LINGO2: variants seen among roughly 807,000 people sequenced by gnomAD.
The protein encoded by LINGO2 is leucine-rich repeat and immunoglobulin-like domain-containing nogo receptor-interacting protein 2.
A neutral mutation model predicts 30.6 loss-of-function variants in LINGO2; 14 were observed. That is an observed-to-expected ratio of 0.46 (90% CI 0.30 to 0.72). The LOEUF is 0.72. Ranked by LOEUF, LINGO2 falls within the 30% of genes least tolerant of loss-of-function variation. The probability of loss-of-function intolerance (pLI) is 0.07; values close to 1 mark genes in which losing one functional copy is unlikely to be tolerated. For missense variants in LINGO2, 729 were observed against 751.7 expected, an observed-to-expected ratio of 0.97 and a Z score of 0.35; for synonymous variants, 317 against 288.5, an observed-to-expected ratio of 1.10 and a Z score of -1.00.
intron 3 of LINGO2, among the ~76,000 whole-genome samples, chr9:28,344,022 T>C (rs1472593447): frequency 6.6e-6 from 1 of 152,144 alleles, no homozygotes; most frequent in Non-Finnish European, 1.5e-5. Flanking sequence ...CAGCCAGTAA[T>C]GTCTCTCTGT....
chr9:29,176,782 T>C, the LINGO2 span, among the ~76,000 whole-genome samples: 1 of 152,220 alleles, frequency 6.6e-6, no homozygotes, highest in Non-Finnish European at 1.5e-5. Context: ...GAAATTTCTA[T>C]AAGCTTCAAT....
intron 1 of LINGO2, among the ~76,000 whole-genome samples, chr9:28,662,686 G>A (rs1456991582): frequency 2.6e-5 from 4 of 152,132 alleles, no homozygotes; most frequent in South Asian, 2.1e-4. Flanking sequence ...GACAATGACA[G>A]TATTCATTTT....
chr9:28,087,143 C>T (rs1825938851), intron 4 of LINGO2, among the ~76,000 whole-genome samples: 1 of 152,002 alleles, frequency 6.6e-6, no homozygotes, highest in South Asian at 2.1e-4. Context: ...GAGGCCATCC[C>T]AGACCAGTTA....
At chr9:29,065,928 G>A in the LINGO2 span, among the ~76,000 whole-genome samples, 2 of 151,778 alleles carry the variant, frequency 1.3e-5, no homozygotes, top group Non-Finnish European at 1.5e-5. Context: ...TTTTTGTGGT[G>A]GTAGTTATTT....
the LINGO2 span, among the ~76,000 whole-genome samples, chr9:28,809,438 G>A: frequency 6.6e-6 from 1 of 152,084 alleles, no homozygotes; most frequent in Admixed American, 6.6e-5. Flanking sequence ...AGCACTGCCT[G>A]GGTGATCTTT....
intron 4 of LINGO2, among the ~76,000 whole-genome samples, chr9:28,252,987 T>C (rs1348069736): frequency 1.3e-5 from 2 of 152,050 alleles, no homozygotes; most frequent in Admixed American, 1.3e-4. Flanking sequence ...ATAATAAAGG[T>C]TTTGTAAGCT....
chr9:28,653,982 T>C (rs552981055), intron 1 of LINGO2, among the ~76,000 whole-genome samples: 7 of 152,296 alleles, frequency 4.6e-5, no homozygotes, highest in African/African-American at 1.7e-4. Flanking sequence ...TTGCTAAGTA[T>C]ATTTTTTACG....
At chr9:28,101,730 TA>T (rs1366677307) in intron 4 of LINGO2, among the ~76,000 whole-genome samples, 2 of 152,176 alleles carry the variant, frequency 1.3e-5, no homozygotes, top group Non-Finnish European at 2.9e-5. Context: ...CTGTATGGGC[TA>T]AATCTCTCAG....
chr9:28,440,592 T>A (rs1824152404), intron 2 of LINGO2, among the ~76,000 whole-genome samples: 1 of 152,086 alleles, frequency 6.6e-6, no homozygotes, highest in African/African-American at 2.4e-5. Flanking sequence ...TACCATAGGA[T>A]AAAAAAATTA....
intron 1 of LINGO2, among the ~76,000 whole-genome samples, chr9:28,525,925 G>A (rs769049194): frequency 1.3e-5 from 2 of 151,598 alleles, no homozygotes; most frequent in Non-Finnish European, 2.9e-5. Flanking sequence ...GCGTGGTGGC[G>A]GGCGCTTGCA....
At chr9:28,215,720 A>G (rs1820743748) in intron 4 of LINGO2, among the ~76,000 whole-genome samples, 1 of 151,780 alleles carries the variant, frequency 6.6e-6, no homozygotes. Flanking sequence ...TTATGGCAGC[A>G]CATAAAATAC....
chr9:28,014,254 C>T (rs193275246), intron 4 of LINGO2, among the ~76,000 whole-genome samples: 20 of 152,082 alleles, frequency 1.3e-4, no homozygotes, highest in Admixed American at 1.1e-3. Context: ...GAACACTTAC[C>T]AAAGGGGAAA....
At chr9:29,161,923 GT>G in the LINGO2 span, among the ~76,000 whole-genome samples, 160 of 142,850 alleles carry the variant, frequency 1.1e-3, 1 homozygote, top group Middle Eastern at 7.4e-3. Context: ...CTTCAGATGT[GT>G]TTTTTTTTTT....
At chr9:29,109,555 T>C in the LINGO2 span, among the ~76,000 whole-genome samples, 2 of 152,208 alleles carry the variant, frequency 1.3e-5, no homozygotes, top group Admixed American at 6.5e-5. Flanking sequence ...AAATTTGAAA[T>C]GTCTGAAAGT....
chr9:28,636,091 C>T (rs909326743), intron 1 of LINGO2, among the ~76,000 whole-genome samples: 7 of 152,102 alleles, frequency 4.6e-5, no homozygotes, highest in Admixed American at 6.6e-5. Context: ...TTTCTGTCCT[C>T]GTGATGGTTT....
the LINGO2 span, among the ~76,000 whole-genome samples, chr9:28,970,123 G>A: frequency 3.9e-5 from 6 of 152,076 alleles, no homozygotes; most frequent in African/African-American, 1.4e-4. Flanking sequence ...GAAGAGAAGA[G>A]ATGAGGTCCT....
rs1564029268 is a variant in LINGO2, at chr9:28,189,610, AGG to A, written c.-87+105596_-87+105597del. On this transcript the variant is annotated intron_variant, in intron 4 of 5. Coordinates refer to ENST00000379992, the Ensembl canonical transcript of LINGO2. ...GAGGAAGGAAGGAAGGGAGGAAGGA[AGG>A]GAGGGAGGGAGGAAGGGAGGGAGGA... is the stretch of plus-strand genomic sequence containing the variant. 1.8e-3 allele frequency among the ~76,000 whole-genome samples: 11 copies of A among 5,984 alleles called. 1 individual carries two copies. The highest frequency in any genetic ancestry group is 6.4e-3 in the East Asian group (1 of 156). The allele number at this position is 5,984 out of a possible 152,430, so 3.9% of individuals were successfully genotyped here.
upstream of LINGO2, among the ~76,000 whole-genome samples, chr9:28,671,071 T>C (rs1254207234): frequency 6.6e-6 from 1 of 152,126 alleles, no homozygotes; most frequent in Non-Finnish European, 1.5e-5. Flanking sequence ...CTGCATATTG[T>C]CACTTTCCCA....
the LINGO2 span, among the ~76,000 whole-genome samples, chr9:28,807,718 G>C: frequency 9.7e-4 from 148 of 152,296 alleles, no homozygotes; most frequent in Non-Finnish European, 1.5e-3. Flanking sequence ...AATAGTAAGA[G>C]AGTATATAGG....
Sources: gnomAD v4.1 joint callset for allele counts (sites outside exome capture counted in the v4.1 genomes callset) on GRCh38, gnomAD v4.1.1 for gene constraint, MANE v1.5 for transcripts, NCBI Gene and HGNC (gene_info 2026-07-23, HGNC 2026-07-21) for gene names.